MME: variants seen among roughly 807,000 people sequenced by gnomAD.
MME encodes neprilysin.
In MME, 98 loss-of-function variants were observed where a neutral mutation model predicts 113.2. That is an observed-to-expected ratio of 0.87 (90% confidence interval 0.74 to 1.02). The LOEUF is 1.02. Ranked by LOEUF, MME falls within the 50% of genes least tolerant of loss-of-function variation. The pLI is 0.00. For synonymous variants in MME, 292 were observed against 300.6 expected (o/e 0.97, Z 0.30); for missense variants, 836 against 896.0 (o/e 0.93, Z 0.86).
chr3:155,041,353 C>T (rs1238571357), intron 1 of MME, among the ~76,000 whole-genome samples: 3 of 152,068 alleles, frequency 2.0e-5, no homozygotes, highest in Admixed American at 1.3e-4. Flanking sequence ...AACATTTCAC[C>T]TGTAGTCAAC....
intron 1 of MME, among the ~76,000 whole-genome samples, chr3:155,039,070 C>T (rs1233744489): frequency 6.6e-6 from 1 of 152,042 alleles, no homozygotes; most frequent in Non-Finnish European, 1.5e-5. Flanking sequence ...CACAAAACAC[C>T]CCAATTTGGG....
chr3:155,058,603 G>GA (rs944867960), intron 1 of MME, among the ~76,000 whole-genome samples: 10 of 151,828 alleles, frequency 6.6e-5, no homozygotes, highest in Admixed American at 3.3e-4. Context: ...AAAGCCTAAG[G>GA]AAAAAATATT....
upstream of MME, chr3:155,080,118 C>G (rs1356681785): frequency 6.5e-6 from 1 of 152,780 alleles, no homozygotes; most frequent in Non-Finnish European, 1.5e-5. Flanking sequence ...GGAGCGGCTG[C>G]CGGGAGGTGC....
Position 155,148,668 on chromosome 3 carries a change from A to G in MME, c.1601+15A>G, listed in dbSNP as rs764040520. On this transcript the variant is annotated intron_variant, in intron 16 of 22. Coordinates refer to ENST00000360490, the MANE Select transcript of MME (RefSeq NM_007289.4). ...GACAAAGATGAGTGCGTATATTCTC[A>G]TTTCTAATGTGATCATCTAGAAGCA... 1 of 1,551,756 alleles carries G rather than the reference A, an allele frequency of 6.4e-7. No individual in the cohort carries two copies. The highest frequency in any genetic ancestry group is 1.4e-5 in the African/African-American group (1 of 73,648).
rs190802805 is a variant in MME, at chr3:155,107,830, C to T, written c.197-7164C>T. On this transcript the variant is annotated intron_variant, in intron 3 of 22. Coordinates refer to ENST00000360490, the MANE Select transcript of MME (RefSeq NM_007289.4). ...TCCTTTTTGTAGTCCATTTAGTCAACGTTTTTTGCATTTTTGTGCTTTTTA... is the reference window on the plus strand; with the variant it reads ...TCCTTTTTGTAGTCCATTTAGTCAATGTTTTTTGCATTTTTGTGCTTTTTA... 1.8e-3 allele frequency among the ~76,000 whole-genome samples: 277 copies of T among 152,186 alleles called. 1 individual carries two copies. Among genetic ancestry groups the T allele is most frequent in the Non-Finnish European group, 3.1e-3 (213 of 68,006 alleles).
At chr3:155,053,379 G>A (rs1474943447) in intron 1 of MME, among the ~76,000 whole-genome samples, 2 of 152,160 alleles carry the variant, frequency 1.3e-5, no homozygotes, top group East Asian at 1.9e-4. Flanking sequence ...GAGGCCTCAG[G>A]AAACTTACAA....
chr3:155,128,147 A>T (rs1273384899), intron 8 of MME, among the ~76,000 whole-genome samples: 3 of 152,222 alleles, frequency 2.0e-5, no homozygotes, highest in Admixed American at 2.0e-4. Context: ...TAAAAATAAA[A>T]GTTACATGTC....
At chr3:155,127,286 C>T (rs1346034647) in intron 8 of MME, among the ~76,000 whole-genome samples, 2 of 152,110 alleles carry the variant, frequency 1.3e-5, no homozygotes, top group Admixed American at 6.6e-5. Context: ...GTCTGGGAGC[C>T]GGCTTTCTTT....
intron 3 of MME, among the ~76,000 whole-genome samples, chr3:155,111,719 T>C (rs937921000): frequency 5.3e-5 from 8 of 152,144 alleles, no homozygotes; most frequent in Non-Finnish European, 1.0e-4. Context: ...TGTTCACTAC[T>C]TTTCTGAGTA....
At chr3:155,152,844 G>GAA (rs112860597) in intron 16 of MME, among the ~76,000 whole-genome samples, 2 of 139,624 alleles carry the variant, frequency 1.4e-5, no homozygotes, top group African/African-American at 5.2e-5. Flanking sequence ...CCGTCTCAAA[G>GAA]AAAAAAAAAA....
At chr3:155,176,307 G>A (rs1034821832) in intron 22 of MME, among the ~76,000 whole-genome samples, 14 of 152,038 alleles carry the variant, frequency 9.2e-5, no homozygotes, top group African/African-American at 3.1e-4. Context: ...AACATCAGCA[G>A]TACAATAAGT....
chr3:155,168,378 C>A, intron 18 of MME, 114 bp from the exon 19 acceptor site: 1 of 953,348 alleles, frequency 1.0e-6, no homozygotes, highest in Non-Finnish European at 1.7e-6. Context: ...CATCGTCTGC[C>A]TAATTTAATG....
intron 17 of MME, among the ~76,000 whole-genome samples, chr3:155,164,428 G>A (rs1722944257): frequency 1.3e-5 from 2 of 152,080 alleles, no homozygotes; most frequent in South Asian, 4.1e-4. Flanking sequence ...TGCCTACTAG[G>A]TAACAGCAAT....
intron 20 of MME, 21 bp downstream of exon 20, chr3:155,168,818 T>G (rs775766446): frequency 1.3e-6 from 2 of 1,596,250 alleles, no homozygotes; most frequent in East Asian, 4.5e-5. Flanking sequence ...AAGATTTTCT[T>G]TCCATTTTAG....
intron 8 of MME, among the ~76,000 whole-genome samples, chr3:155,137,133 G>T (rs1003636606): frequency 1.3e-5 from 2 of 152,136 alleles, no homozygotes; most frequent in Admixed American, 6.6e-5. Context: ...AGATGTATGT[G>T]AAGATAAAAT....
chr3:155,168,965 G>C (rs1038536555), intron 20 of MME, 168 bp downstream of exon 20: 16 of 618,258 alleles, frequency 2.6e-5, no homozygotes, highest in Middle Eastern at 4.4e-4. Flanking sequence ...CTAACCATAA[G>C]GGTCAATACA....
intron 3 of MME, among the ~76,000 whole-genome samples, chr3:155,086,941 A>T (rs1374260338): frequency 6.6e-6 from 1 of 151,576 alleles, no homozygotes; most frequent in Non-Finnish European, 1.5e-5. Context: ...AGTAGCTGGG[A>T]CTATAGGCAC....
intron 1 of MME, chr3:155,080,970 C>T (rs1053332953): frequency 6.6e-6 from 1 of 152,170 alleles, no homozygotes; most frequent in African/African-American, 2.4e-5. Context: ...GGTTGTAGAG[C>T]AGCACTAACC....
chr3:155,028,363 A>T (rs2108111651), intron 1 of MME, among the ~76,000 whole-genome samples: 2 of 152,336 alleles, frequency 1.3e-5, no homozygotes, highest in South Asian at 4.1e-4. Context: ...CTGCATGTTG[A>T]AAGGAGCCAG....
Sources: allele counts gnomAD v4.1 joint callset (sites outside exome capture counted in the v4.1 genomes callset), GRCh38; gene constraint gnomAD v4.1.1; transcripts MANE v1.5; gene names NCBI Gene and HGNC (gene_info 2026-07-23, HGNC 2026-07-21).